Variants in TANGO6 observed in about 807,000 individuals in gnomAD.
TANGO6 encodes the protein transport and Golgi organization protein 6 homolog.
In TANGO6, 90 loss-of-function variants were observed where a neutral mutation model predicts 114.2. The observed-to-expected ratio is 0.79, with a 90% CI of 0.66 to 0.94. The LOEUF (loss-of-function observed/expected upper bound fraction) is 0.94, where lower values mean the gene tolerates loss of function less well. Ranked by LOEUF, TANGO6 falls within the 40% of genes least tolerant of loss-of-function variation. TANGO6 has a pLI of 0.00. For missense variants in TANGO6, 1,274 were observed against 1,315.3 expected, an observed-to-expected ratio of 0.97 and a Z score of 0.49; for synonymous variants, 477 against 509.8, an observed-to-expected ratio of 0.94 and a Z score of 0.87.
intron 17 of TANGO6, among the ~76,000 whole-genome samples, chr16:69,076,573 G>A (rs183616292): frequency 1.3e-5 from 2 of 152,166 alleles, no homozygotes; most frequent in Non-Finnish European, 2.9e-5. Context: ...ATGGTCCTCT[G>A]TGTTTTTTAG....
intron 12 of TANGO6, chr16:68,926,943 A>G (rs1963174420): frequency 6.6e-6 from 1 of 152,582 alleles, no homozygotes; most frequent in South Asian, 2.1e-4. Context: ...AAATTCTAAT[A>G]GAGCTGTAAC....
intron 3 of TANGO6, among the ~76,000 whole-genome samples, chr16:68,866,664 C>T (rs1159145487): frequency 4.6e-5 from 7 of 151,006 alleles, no homozygotes; most frequent in East Asian, 2.0e-4. Context: ...TAGCTGGGCA[C>T]GGTGGCTCAC....
At chr16:68,974,200 G>C in intron 15 of TANGO6, 32 bp downstream of exon 15, 1 of 1,613,418 alleles carries the variant, frequency 6.2e-7, no homozygotes. Flanking sequence ...ACCTGGAAAA[G>C]GGTGGAGGAT....
intron 7 of TANGO6, among the ~76,000 whole-genome samples, chr16:68,898,790 C>T (rs1194886890): frequency 2.0e-5 from 3 of 152,100 alleles, no homozygotes; most frequent in African/African-American, 7.2e-5. Flanking sequence ...TAATCATTGT[C>T]AGCTCATTTT....
chr16:68,910,040 A>T (rs867191654), intron 11 of TANGO6, among the ~76,000 whole-genome samples: 44 of 152,326 alleles, frequency 2.9e-4, no homozygotes, highest in African/African-American at 1.0e-3. Flanking sequence ...CCTTTAAAAA[A>T]GATAGGAAAT....
intron 1 of TANGO6, among the ~76,000 whole-genome samples, chr16:68,852,763 T>C (rs1567523513): frequency 6.6e-6 from 1 of 151,860 alleles, no homozygotes. Context: ...AGCCCAAGAA[T>C]CAAAGGTACA....
At chr16:69,054,390 T>C (rs1399064227) in intron 17 of TANGO6, among the ~76,000 whole-genome samples, 3 of 152,176 alleles carry the variant, frequency 2.0e-5, no homozygotes, top group Non-Finnish European at 2.9e-5. Context: ...CCAGGTCTTC[T>C]GTTCACCCTG....
intron 17 of TANGO6, among the ~76,000 whole-genome samples, chr16:69,063,105 G>A (rs1276228075): frequency 6.6e-6 from 1 of 151,636 alleles, no homozygotes; most frequent in Non-Finnish European, 1.5e-5. Flanking sequence ...GTGCGTGCCT[G>A]TAGTCCCAGC....
At chr16:68,882,642 A>C (rs1962480625) in intron 7 of TANGO6, among the ~76,000 whole-genome samples, 1 of 152,222 alleles carries the variant, frequency 6.6e-6, no homozygotes, top group African/African-American at 2.4e-5. Context: ...CAAATCTGTA[A>C]ATTTACTAAA....
intron 7 of TANGO6, among the ~76,000 whole-genome samples, chr16:68,897,546 A>C (rs1013143018): frequency 6.6e-6 from 1 of 152,056 alleles, no homozygotes; most frequent in Admixed American, 6.6e-5. Flanking sequence ...GATATAGAAA[A>C]GTATAAGGAA....
At chr16:68,919,526 C>T (rs1261960092) in intron 12 of TANGO6, among the ~76,000 whole-genome samples, 1 of 152,030 alleles carries the variant, frequency 6.6e-6, no homozygotes, top group Admixed American at 6.6e-5. Flanking sequence ...GATTTTCTGG[C>T]TCTCACTCTC....
chr16:68,934,556 G>T (rs2152199437), intron 14 of TANGO6, among the ~76,000 whole-genome samples: 1 of 152,214 alleles, frequency 6.6e-6, no homozygotes, highest in African/African-American at 2.4e-5. Context: ...GCAGCTGAGA[G>T]GCCAAAGAGT....
At chr16:68,846,567 C>T in intron 1 of TANGO6, 1 of 259,820 alleles carries the variant, frequency 3.8e-6, no homozygotes, top group Non-Finnish European at 7.6e-6. Flanking sequence ...GCGATCTCGG[C>T]TCACTGCAAC....
intron 14 of TANGO6, among the ~76,000 whole-genome samples, chr16:68,951,450 TCAGA>T (rs2152205646): frequency 1.3e-5 from 2 of 152,188 alleles, no homozygotes; most frequent in Non-Finnish European, 2.9e-5. Context: ...CTCCCATTTT[TCAGA>T]CAAAGAAACC....
At chr16:68,999,206 A>T (rs1460220059) in intron 15 of TANGO6, among the ~76,000 whole-genome samples, 4 of 152,150 alleles carry the variant, frequency 2.6e-5, no homozygotes, top group Non-Finnish European at 5.9e-5. Context: ...ATAAGCCTTG[A>T]GTCCAGCCAT....
intron 14 of TANGO6, among the ~76,000 whole-genome samples, chr16:68,950,099 A>C (rs148113017): frequency 1.3e-5 from 2 of 152,350 alleles, no homozygotes; most frequent in Non-Finnish European, 2.9e-5. Context: ...CAAATGTATA[A>C]ATTCAGAAAG....
intron 1 of TANGO6, among the ~76,000 whole-genome samples, chr16:68,855,019 T>C (rs554344500): frequency 3.7e-4 from 56 of 151,834 alleles, no homozygotes; most frequent in Middle Eastern, 3.4e-3. Flanking sequence ...CTTTTTTTTT[T>C]TCCAAGACAG....
At position 68,919,174 on chromosome 16, in the gene TANGO6, C is replaced by T. The variant is rs748818953; in HGVS notation, c.2082C>T (p.Ser694=). Residue 694 remains serine, a synonymous_variant, in exon 12 of 18, where the codon AGC becomes AGT. Transcript: ENST00000261778. ...AESTVESQTL[S]MSMGLVAVML... Reference sequence around the variant, plus strand: ...GCACCGTGGAATCACAGACGCTGAGCATGTCCATGGGGCTGGTGGCTGTCA... The same window carrying T: ...GCACCGTGGAATCACAGACGCTGAGTATGTCCATGGGGCTGGTGGCTGTCA... 2.1e-5 allele frequency: 34 copies of T among 1,612,580 alleles called. No individual in the cohort carries two copies. Among genetic ancestry groups the T allele is most frequent in the Non-Finnish European group, 2.7e-5 (32 of 1,179,482 alleles).
At chr16:68,878,401 C>G (rs1962403420) in intron 6 of TANGO6, 121 bp downstream of exon 6, 1 of 1,224,624 alleles carries the variant, frequency 8.2e-7, no homozygotes, top group African/African-American at 1.5e-5. Flanking sequence ...CTCCCCCCAA[C>G]TTTTTATTTT....
Sources: allele counts gnomAD v4.1 joint callset (sites outside exome capture counted in the v4.1 genomes callset), GRCh38; gene constraint gnomAD v4.1.1; transcripts MANE v1.5; gene names NCBI Gene and HGNC (gene_info 2026-07-23, HGNC 2026-07-21).